The following DOCK8 variants were observed in gnomAD, a reference collection of about 807,000 sequenced individuals.
DOCK8 encodes the protein dedicator of cytokinesis protein 8.
DOCK8 carries 141 observed loss-of-function variants against 245.6 expected under a neutral mutation model. That is an observed-to-expected ratio of 0.57 (90% CI 0.50 to 0.66). The LOEUF (loss-of-function observed/expected upper bound fraction) is 0.66. Ranked by LOEUF, DOCK8 falls within the 30% of genes least tolerant of loss-of-function variation. DOCK8 has a pLI of 0.00. For synonymous variants in DOCK8, 1,168 were observed against 970.2 expected (o/e 1.20, Z -3.79); for missense variants, 2,965 against 2,603.4 (o/e 1.14, Z -3.02).
intron 30 of DOCK8, among the ~76,000 whole-genome samples, chr9:418,556 C>G (rs1388406003): frequency 6.6e-6 from 1 of 152,250 alleles, no homozygotes. Context: ...GCGTGAGCCA[C>G]TGTGCCCAGC....
intron 14 of DOCK8, among the ~76,000 whole-genome samples, chr9:351,339 G>A (rs1001402838): frequency 6.6e-6 from 1 of 152,158 alleles, no homozygotes; most frequent in Admixed American, 6.5e-5. Context: ...CAGGTCAGAA[G>A]GACAGATAGT....
In DOCK8 at chr9:449,764, T is replaced by C. The variant is rs1344641282; in HGVS notation, c.5818-20T>C. ...ATGAGACCAGACAGTGACTTCCCTA[T>C]GTTTACGTCTCATGTTCAGTTTGTT... is the stretch of plus-strand genomic sequence containing the variant. On this transcript the variant is annotated intron_variant, in intron 44 of 47. Coordinates refer to ENST00000432829, the MANE Select transcript of DOCK8 (RefSeq NM_203447.4). 6.2e-7 allele frequency: 1 copy of C among 1,612,362 alleles called. No individual in the cohort carries two copies. Among genetic ancestry groups the C allele is most frequent in the South Asian group, 1.1e-5 (1 of 90,994 alleles).
chr9:330,210 A>T (rs1332161851), intron 9 of DOCK8, among the ~76,000 whole-genome samples: 1 of 152,070 alleles, frequency 6.6e-6, no homozygotes, highest in Admixed American at 6.6e-5. Context: ...ATTTTTTTTT[A>T]AAAAGAATTT....
At chr9:431,715 C>T (rs1197865333) in intron 36 of DOCK8, among the ~76,000 whole-genome samples, 1 of 152,068 alleles carries the variant, frequency 6.6e-6, no homozygotes, top group Non-Finnish European at 1.5e-5. Flanking sequence ...TGCTGTGTTG[C>T]CCAGGCTGAT....
intron 1 of DOCK8, among the ~76,000 whole-genome samples, chr9:266,705 C>G (rs561460956): frequency 1.3e-5 from 2 of 152,318 alleles, no homozygotes; most frequent in South Asian, 4.1e-4. Flanking sequence ...CTCCTTACCA[C>G]CAGTCCATCA....
chr9:459,249 T>C (rs1477610249), intron 46 of DOCK8, among the ~76,000 whole-genome samples: 3 of 152,334 alleles, frequency 2.0e-5, no homozygotes, highest in African/African-American at 4.8e-5. Flanking sequence ...CTAGGAGGGA[T>C]AGTAGAAATT....
rs777948886 is a variant in DOCK8, at chr9:277,463, A to AGG, written c.156+5735_156+5736insGG. Among the ~76,000 whole-genome samples, 50 of 64,678 alleles carry AGG rather than the reference A, an allele frequency of 7.7e-4. 2 individuals carry two copies. Among genetic ancestry groups the AGG allele is most frequent in the African/African-American group, 2.9e-3 (39 of 13,364 alleles). 42.4% of individuals were successfully genotyped at this position (64,678 alleles called of 152,430 possible). On this transcript the variant is annotated intron_variant, in intron 2 of 47. Transcript: ENST00000432829. ...GAAGAGAGGAGAAGAGAAAGAGAGA[A>AGG]GAGAAGAGAAGAGAAGAGAAGAGAA...
At chr9:410,899 C>G (rs2055690985) in intron 28 of DOCK8, among the ~76,000 whole-genome samples, 1 of 152,138 alleles carries the variant, frequency 6.6e-6, no homozygotes, top group South Asian at 2.1e-4. Context: ...AATCATATCA[C>G]AAGAGACCTT....
At position 222,753 on chromosome 9, in the gene DOCK8, A is replaced by G. The variant is rs868548651; in HGVS notation, c.53+7724A>G. Among the ~76,000 whole-genome samples, 3 of 152,178 alleles carry G rather than the reference A, an allele frequency of 2.0e-5. No individual in the cohort carries two copies. The South Asian group carries it at 6.2e-4, about 31-fold the overall frequency. On this transcript the variant is annotated intron_variant, in intron 1 of 47. Transcript: ENST00000432829. ...CACTTTCTGCTTCTGTTCCTTTAAT[A>G]GGTGGATTAATGATAAAGGTAGATT...
At chr9:370,134 C>G in intron 15 of DOCK8, 96 bp from the exon 16 acceptor site, 1 of 1,068,490 alleles carries the variant, frequency 9.4e-7, no homozygotes. Context: ...CAAAATGCAG[C>G]TCTATGAGAC....
chr9:401,653 A>G (rs981469709), intron 26 of DOCK8, among the ~76,000 whole-genome samples: 11 of 152,156 alleles, frequency 7.2e-5, no homozygotes, highest in Non-Finnish European at 1.5e-4. Flanking sequence ...TGAGTTAGGT[A>G]TGAGCCAAGG....
intron 4 of DOCK8, among the ~76,000 whole-genome samples, chr9:290,321 G>A (rs1294752836): frequency 6.6e-6 from 1 of 151,848 alleles, no homozygotes; most frequent in African/African-American, 2.4e-5. Context: ...TAGTGTTAGT[G>A]TATTTGATAT....
At chr9:225,961 T>C (rs1000731340) in intron 1 of DOCK8, among the ~76,000 whole-genome samples, 2 of 151,974 alleles carry the variant, frequency 1.3e-5, no homozygotes, top group African/African-American at 4.8e-5. Context: ...GGAGGAGAGC[T>C]GAAGAGGGAA....
intron 4 of DOCK8, among the ~76,000 whole-genome samples, chr9:291,862 T>C (rs1218781763): frequency 6.8e-6 from 1 of 147,066 alleles, no homozygotes. Context: ...AACCCAGGAG[T>C]TCAAGACCAG....
chr9:213,642 C>T (rs943520566), upstream of DOCK8: 1 of 152,088 alleles, frequency 6.6e-6, no homozygotes, highest in African/African-American at 2.4e-5. Flanking sequence ...TCAGACTAAC[C>T]ATAATGCCGA....
intron 7 of DOCK8, among the ~76,000 whole-genome samples, chr9:319,165 C>T (rs2050475021): frequency 2.0e-5 from 3 of 152,026 alleles, no homozygotes; most frequent in Admixed American, 1.3e-4. Flanking sequence ...ATTTTTAGCC[C>T]TAGCTACATT....
chr9:292,069 CAA>C lies in DOCK8; in HGVS notation c.404+2508_404+2509del, dbSNP rs139396600. Among the ~76,000 whole-genome samples, 55 of 52,560 alleles carry C rather than the reference CAA, an allele frequency of 1.0e-3. 1 individual carries two copies. Among genetic ancestry groups the C allele is most frequent in the Admixed American group, 1.1e-3 (4 of 3,502 alleles). 34.5% of individuals were successfully genotyped at this position (52,560 alleles called of 152,430 possible). A position where few individuals can be genotyped will look rare whatever the true frequency, so the allele number is the denominator to read the frequency against. ...CAGGCAACAGAGGAAGACCCTATCTCAAAAAAAAAAAAAAAAAAAAAGCCAGG... is the reference window on the plus strand; with the variant it reads ...CAGGCAACAGAGGAAGACCCTATCTCAAAAAAAAAAAAAAAAAAAGCCAGG... On this transcript the variant is annotated intron_variant, in intron 4 of 47. Coordinates refer to ENST00000432829, the MANE Select transcript of DOCK8 (RefSeq NM_203447.4).
intron 1 of DOCK8, among the ~76,000 whole-genome samples, chr9:241,944 G>T (rs1458510276): frequency 6.6e-6 from 1 of 152,194 alleles, no homozygotes; most frequent in Admixed American, 6.5e-5. Context: ...TAAAATGTTT[G>T]TTTTGTTTCA....
chr9:346,383 C>G (rs141788575), intron 14 of DOCK8, among the ~76,000 whole-genome samples: 48 of 152,248 alleles, frequency 3.2e-4, no homozygotes, highest in African/African-American at 1.1e-3. Flanking sequence ...CCAGCAAGGT[C>G]TTCAAGGGCA....
Sources: allele counts gnomAD v4.1 joint callset (sites outside exome capture counted in the v4.1 genomes callset), GRCh38; gene constraint gnomAD v4.1.1; transcripts MANE v1.5; gene names NCBI Gene and HGNC (gene_info 2026-07-23, HGNC 2026-07-21).